Variants in TRAF3 observed in about 807,000 individuals in gnomAD.
The protein encoded by TRAF3 is TNF receptor associated factor 3.
A neutral mutation model predicts 62.3 loss-of-function variants in TRAF3; 13 were observed. The ratio of observed to expected loss-of-function variants is 0.21; its 90% CI spans 0.14 to 0.33. The LOEUF (loss-of-function observed/expected upper bound fraction) is 0.33. Among genes scored for constraint, TRAF3 ranks in the 10% least tolerant of loss-of-function variants. TRAF3 has a pLI of 1.00. For synonymous variants in TRAF3, 269 were observed against 283.4 expected (o/e 0.95, Z 0.51); for missense variants, 440 against 741.8 (o/e 0.59, Z 4.73).
chr14:102,888,320 G>C (rs1889518172), intron 7 of TRAF3, among the ~76,000 whole-genome samples: 1 of 152,224 alleles, frequency 6.6e-6, no homozygotes, highest in Non-Finnish European at 1.5e-5. Flanking sequence ...AAGGGCGTCA[G>C]GCTGCCAGGT....
At chr14:102,844,893 G>T (rs1286011483) in intron 2 of TRAF3, among the ~76,000 whole-genome samples, 1 of 151,144 alleles carries the variant, frequency 6.6e-6, no homozygotes, top group Admixed American at 6.6e-5. Flanking sequence ...AAAAAAAAAT[G>T]TTGTTTTTGT....
Position 102,882,725 on chromosome 14 carries a change from A to G in TRAF3, c.571-3464A>G, listed in dbSNP as rs1391056502. On this transcript the variant is annotated intron_variant, in intron 6 of 11. Transcript: ENST00000392745. ...GTGTTCTGTGGTGTGTCACAACATC[A>G]AGTGTTGATAAAATGTGCTGAGGAT... is the stretch of plus-strand genomic sequence containing the variant. Among the ~76,000 whole-genome samples the G allele has an allele frequency of 3.3e-5, 5 of 152,098 alleles. No homozygotes were observed. The East Asian group carries it at 9.6e-4, about 29-fold the overall frequency.
chr14:102,797,093 A>G (rs182881581), intron 1 of TRAF3, among the ~76,000 whole-genome samples: 4 of 152,354 alleles, frequency 2.6e-5, no homozygotes, highest in African/African-American at 9.6e-5. Context: ...GCCAGGGGGC[A>G]GCATCATTCA....
intron 9 of TRAF3, among the ~76,000 whole-genome samples, chr14:102,896,476 G>A (rs1430270407): frequency 2.6e-5 from 4 of 151,856 alleles, no homozygotes; most frequent in South Asian, 2.1e-4. Context: ...TAAATGAAAT[G>A]GAATAAAAAA....
At chr14:102,889,668 G>T (rs1019313086) in intron 8 of TRAF3, 34 bp downstream of exon 8, 1 of 1,607,332 alleles carries the variant, frequency 6.2e-7, no homozygotes, top group African/African-American at 1.3e-5. Flanking sequence ...CCCAGTCACT[G>T]ACATTCTGCC....
intron 7 of TRAF3, among the ~76,000 whole-genome samples, chr14:102,887,330 C>T (rs914077092): frequency 1.3e-5 from 2 of 152,212 alleles, no homozygotes; most frequent in Non-Finnish European, 1.5e-5. Context: ...GAACCAGCCT[C>T]GCATGCCCCT....
intron 1 of TRAF3, among the ~76,000 whole-genome samples, chr14:102,778,297 C>T (rs1038255216): frequency 3.3e-5 from 5 of 151,920 alleles, no homozygotes; most frequent in Non-Finnish European, 7.4e-5. Flanking sequence ...TGCGTCTTCC[C>T]CGCGGGCGCC....
At chr14:102,821,353 T>C (rs1354265279) in intron 1 of TRAF3, among the ~76,000 whole-genome samples, 5 of 152,244 alleles carry the variant, frequency 3.3e-5, no homozygotes, top group African/African-American at 1.2e-4. Flanking sequence ...TTGTAATGTA[T>C]TTTAAGATAG....
intron 1 of TRAF3, among the ~76,000 whole-genome samples, chr14:102,809,867 A>C (rs1181062096): frequency 6.6e-6 from 1 of 152,182 alleles, no homozygotes; most frequent in Non-Finnish European, 1.5e-5. Flanking sequence ...AGGCAAGAAC[A>C]GATCTTTAAA....
intron 2 of TRAF3, among the ~76,000 whole-genome samples, chr14:102,860,880 T>C (rs2139779105): frequency 6.6e-6 from 1 of 152,356 alleles, no homozygotes; most frequent in Non-Finnish European, 1.5e-5. Context: ...CCAAAATCCC[T>C]GTTGCCTGGA....
chr14:102,816,949 C>T (rs550238782), intron 1 of TRAF3, among the ~76,000 whole-genome samples: 4 of 152,258 alleles, frequency 2.6e-5, no homozygotes, highest in East Asian at 1.9e-4. Context: ...ATCTTGAAGA[C>T]GAAGCTGACT....
At chr14:102,810,702 G>A (rs2139514441) in intron 1 of TRAF3, 1 of 152,288 alleles carries the variant, frequency 6.6e-6, no homozygotes, top group East Asian at 1.9e-4. Context: ...CCTATAAATT[G>A]AGGAACCTGA....
intron 2 of TRAF3, among the ~76,000 whole-genome samples, chr14:102,867,705 G>T (rs543962306): frequency 2.6e-5 from 4 of 152,324 alleles, no homozygotes; most frequent in Admixed American, 6.5e-5. Context: ...GGCGGGCAAG[G>T]CTAGTACCAG....
intron 2 of TRAF3, among the ~76,000 whole-genome samples, chr14:102,853,852 AAG>A (rs1491031052): frequency 6.6e-6 from 1 of 151,640 alleles, no homozygotes; most frequent in Non-Finnish European, 1.5e-5. Context: ...AAAAAAAAAA[AAG>A]AATGTTATGC....
At chr14:102,856,481 ATGAATAG>A (rs1233410729) in intron 2 of TRAF3, among the ~76,000 whole-genome samples, 10 of 152,180 alleles carry the variant, frequency 6.6e-5, no homozygotes, top group Non-Finnish European at 5.9e-5. Context: ...TTAGAGTATA[ATGAATAG>A]TAAGGACAAC....
rs1887927780 is a variant in TRAF3, at chr14:102,865,456, ATTGTCCC to A, written c.-17-4726_-17-4720del. Among the ~76,000 whole-genome samples the A allele has an allele frequency of 2.1e-5, 3 of 145,250 alleles. No homozygotes were observed. The South Asian group carries it at 6.5e-4, about 31-fold the overall frequency. On this transcript the variant is annotated intron_variant, in intron 2 of 11. Transcript: ENST00000392745. ...GCTGCTTTCTGTTTTTATATATTGG[ATTGTCCC>A]TTTTTCATCAGCATCACTCATAAGT...
chr14:102,892,371 T>G (rs767331511), intron 9 of TRAF3, among the ~76,000 whole-genome samples: 12 of 152,280 alleles, frequency 7.9e-5, no homozygotes, highest in Non-Finnish European at 1.0e-4. Flanking sequence ...ATGCTGTTCT[T>G]AAGAGGCCTT....
At chr14:102,810,180 C>T (rs1331233077) in intron 1 of TRAF3, among the ~76,000 whole-genome samples, 1 of 152,140 alleles carries the variant, frequency 6.6e-6, no homozygotes, top group Admixed American at 6.5e-5. Flanking sequence ...ACAACCCCCT[C>T]CCCCCTACAA....
intron 2 of TRAF3, among the ~76,000 whole-genome samples, chr14:102,845,549 T>A (rs1201042845): frequency 2.0e-5 from 3 of 146,552 alleles, no homozygotes; most frequent in Admixed American, 1.4e-4. Flanking sequence ...GGAGTCTCCC[T>A]CTGTCACCCA....
Sources: allele counts gnomAD v4.1 joint callset (sites outside exome capture counted in the v4.1 genomes callset), GRCh38; gene constraint gnomAD v4.1.1; transcripts MANE v1.5; gene names NCBI Gene and HGNC (gene_info 2026-07-23, HGNC 2026-07-21).